Variants in ITPR1 observed in about 807,000 individuals in gnomAD.
ITPR1 encodes inositol 1,4,5-trisphosphate-gated calcium channel ITPR1.
Under a neutral mutation model 318.4 loss-of-function variants are expected in ITPR1, and 96 were observed. The observed-to-expected ratio is 0.30, with a 90% CI of 0.26 to 0.36. ITPR1 has a LOEUF of 0.36. Ranked by LOEUF, ITPR1 falls within the 10% of genes least tolerant of loss-of-function variation. ITPR1 has a pLI of 1.00. For missense variants in ITPR1, 2,440 were observed against 3,460.2 expected (o/e 0.71, Z 7.40); for synonymous variants, 1,312 against 1,289.9 (o/e 1.02, Z -0.37).
At chr3:4,843,912 A>G (rs1014030017) in intron 61 of ITPR1, among the ~76,000 whole-genome samples, 1 of 152,196 alleles carries the variant, frequency 6.6e-6, no homozygotes, top group African/African-American at 2.4e-5. Flanking sequence ...TGACAAATTG[A>G]AAAGTCAAGG....
chr3:4,798,343 A>G (rs531622942), intron 53 of ITPR1, among the ~76,000 whole-genome samples: 2 of 152,364 alleles, frequency 1.3e-5, no homozygotes, highest in Admixed American at 6.5e-5. Flanking sequence ...CAGTAAGCAC[A>G]TGAAACGATG....
At chr3:4,601,631 A>G (rs1435390001) in intron 4 of ITPR1, among the ~76,000 whole-genome samples, 1 of 152,204 alleles carries the variant, frequency 6.6e-6, no homozygotes, top group African/African-American at 2.4e-5. Context: ...GTAAATCTTC[A>G]TGGTCCTGAA....
chr3:4,791,870 G>A (rs994354674), intron 52 of ITPR1, among the ~76,000 whole-genome samples: 6 of 152,200 alleles, frequency 3.9e-5, no homozygotes, highest in Non-Finnish European at 5.9e-5. Context: ...TGGGGGATGG[G>A]GAGATGTATT....
At chr3:4,803,166 C>T (rs1484180532) in intron 54 of ITPR1, among the ~76,000 whole-genome samples, 1 of 152,114 alleles carries the variant, frequency 6.6e-6, no homozygotes, top group East Asian at 1.9e-4. Flanking sequence ...TTTAAACAAC[C>T]AGCTCTCTAT....
intron 4 of ITPR1, among the ~76,000 whole-genome samples, chr3:4,549,984 T>C (rs950755781): frequency 1.3e-5 from 2 of 152,234 alleles, no homozygotes; most frequent in African/African-American, 4.8e-5. Flanking sequence ...AAGATTTTCT[T>C]CTTGAGACAA....
intron 4 of ITPR1, among the ~76,000 whole-genome samples, chr3:4,597,440 C>T (rs1327767410): frequency 6.6e-6 from 1 of 152,096 alleles, no homozygotes; most frequent in Non-Finnish European, 1.5e-5. Context: ...TGAGCCCCCA[C>T]GGAGACTGTA....
In ITPR1 at chr3:4,697,241, T is replaced by G; in HGVS notation, c.4376T>G (p.Leu1459Trp). 6.4e-7 allele frequency: 1 copy of G among 1,570,554 alleles called. No individual in the cohort carries two copies. The highest frequency in any genetic ancestry group is 8.6e-7 in the Non-Finnish European group (1 of 1,156,600). Residue 1459 changes from leucine to tryptophan, a missense_variant, in exon 34 of 62, where the codon TTG (leucine) becomes TGG (tryptophan). Coordinates refer to ENST00000649015, the MANE Select transcript of ITPR1 (RefSeq NM_001378452.1). Reference sequence around the variant, plus strand: ...TATACCAGCAATCACATGTGGAAATTGTTTGAGAATTTCCTTGTAGACATC... The same window carrying G: ...TATACCAGCAATCACATGTGGAAATGGTTTGAGAATTTCCTTGTAGACATC... ...EIYTSNHMWK[L>W]FENFLVDICR...
intron 57 of ITPR1, 105 bp downstream of exon 57, chr3:4,813,339 AGGCT>A: frequency 1.3e-6 from 1 of 743,508 alleles, no homozygotes; most frequent in African/African-American, 1.7e-5. Context: ...CTCAGGAGTA[AGGCT>A]ATAGCAAAGG....
At chr3:4,553,388 G>A (rs1207318476) in intron 4 of ITPR1, among the ~76,000 whole-genome samples, 1 of 152,102 alleles carries the variant, frequency 6.6e-6, no homozygotes, top group Non-Finnish European at 1.5e-5. Flanking sequence ...AGATTTTGAA[G>A]TCTTTGATTG....
chr3:4,806,050 T>C lies in ITPR1; in HGVS notation c.7108-53T>C, dbSNP rs926956118. 7 of 1,473,258 alleles carry C rather than the reference T, an allele frequency of 4.8e-6. No homozygotes were observed. The African/African-American group carries it at 8.4e-5, about 18-fold the overall frequency. 91.3% of individuals were successfully genotyped at this position (1,473,258 alleles called of 1,614,324 possible). Reference sequence around the variant, plus strand: ...GTGTGAGATGCTCTCGTTGCTCTCATGAAGAGTTTGGCACAGTCCGTGCCA... The same window carrying C: ...GTGTGAGATGCTCTCGTTGCTCTCACGAAGAGTTTGGCACAGTCCGTGCCA... On this transcript the variant is annotated intron_variant, in intron 54 of 61. Transcript: ENST00000649015.
chr3:4,693,056 G>A (rs930855269), intron 32 of ITPR1, among the ~76,000 whole-genome samples: 2 of 152,178 alleles, frequency 1.3e-5, no homozygotes, highest in Non-Finnish European at 2.9e-5. Flanking sequence ...CCTGGGAGGC[G>A]GAGGTTGTGG....
chr3:4,506,021 G>A (rs2081370724), intron 2 of ITPR1, among the ~76,000 whole-genome samples: 1 of 152,180 alleles, frequency 6.6e-6, no homozygotes, highest in Non-Finnish European at 1.5e-5. Flanking sequence ...CAATAGGAAT[G>A]CTTCCTCCGT....
Position 4,494,777 on chromosome 3 carries a change from G to A in ITPR1, c.-17+271G>A, listed in dbSNP as rs564695522. Among the ~76,000 whole-genome samples, 3 of 152,278 alleles carry A rather than the reference G, an allele frequency of 2.0e-5. No individual in the cohort carries two copies. In the South Asian group the frequency reaches 6.2e-4, roughly 32 times the overall value. ...AGGCCATTAAATGGAGCAATAAAAC[G>A]GCGGCCCATTGCCGGTCTGAAAAGC... On this transcript the variant is annotated intron_variant, in intron 2 of 61. Transcript: ENST00000649015.
chr3:4,571,165 G>A (rs749562663), intron 4 of ITPR1, among the ~76,000 whole-genome samples: 3 of 152,140 alleles, frequency 2.0e-5, no homozygotes, highest in African/African-American at 7.2e-5. Flanking sequence ...GGGCAGAGCC[G>A]GCCTGCCCAC....
At chr3:4,559,143 C>G (rs1199357145) in intron 4 of ITPR1, among the ~76,000 whole-genome samples, 3 of 146,280 alleles carry the variant, frequency 2.1e-5, no homozygotes, top group African/African-American at 7.7e-5. Context: ...GCATGTGCAA[C>G]TGTGCCCACC....
intron 15 of ITPR1, 37 bp downstream of exon 15, chr3:4,662,279 C>A: frequency 6.8e-7 from 1 of 1,467,688 alleles, no homozygotes; most frequent in East Asian, 2.4e-5. Flanking sequence ...GCCGCCCTCC[C>A]GCACTGAGAG....
chr3:4,787,917 T>TATTTA, intron 51 of ITPR1, 30 bp from the exon 52 acceptor site: 1 of 1,518,458 alleles, frequency 6.6e-7, no homozygotes, highest in Non-Finnish European at 9.1e-7. Context: ...CAAAGATGAA[T>TATTTA]ATTTAATCTC....
chr3:4,596,216 C>T (rs2090802707), intron 4 of ITPR1: 2 of 152,202 alleles, frequency 1.3e-5, no homozygotes, highest in South Asian at 2.1e-4. Context: ...TCCTGATGAG[C>T]CAAGAATTAA....
chr3:4,627,115 C>T (rs1003126043), intron 4 of ITPR1, among the ~76,000 whole-genome samples: 2 of 151,872 alleles, frequency 1.3e-5, no homozygotes, highest in African/African-American at 2.4e-5. Flanking sequence ...GCCACCGTGC[C>T]GGGCCTGTAA....
Sources: gnomAD v4.1 joint callset for allele counts (sites outside exome capture counted in the v4.1 genomes callset) on GRCh38, gnomAD v4.1.1 for gene constraint, MANE v1.5 for transcripts, NCBI Gene and HGNC (gene_info 2026-07-23, HGNC 2026-07-21) for gene names.